INPP4B: variants seen among roughly 807,000 people sequenced by gnomAD.
INPP4B encodes inositol polyphosphate-4-phosphatase type II B.
INPP4B carries 55 observed loss-of-function variants against 122.5 expected under a neutral mutation model. The ratio of observed to expected loss-of-function variants is 0.45; its 90% CI spans 0.36 to 0.56. The LOEUF (loss-of-function observed/expected upper bound fraction) is 0.56. Ranked by LOEUF, INPP4B falls within the 20% of genes least tolerant of loss-of-function variation. The pLI is 0.00. For synonymous variants in INPP4B, 403 were observed against 388.7 expected, an observed-to-expected ratio of 1.04 and a Z score of -0.43; for missense variants, 1,000 against 1,097.7, an observed-to-expected ratio of 0.91 and a Z score of 1.26.
At chr4:142,756,689 G>T (rs1770568050) in intron 1 of INPP4B, among the ~76,000 whole-genome samples, 2 of 152,022 alleles carry the variant, frequency 1.3e-5, no homozygotes, top group African/African-American at 4.8e-5. Context: ...CATAAGAAAA[G>T]AGTATGATAA....
rs571764523 is a variant in INPP4B at position 142,796,245 on chromosome 4, C to A, written c.-254+49964G>T. Among the ~76,000 whole-genome samples the A allele has an allele frequency of 5.3e-5, 8 of 152,036 alleles. No homozygotes were observed. In the East Asian group the frequency reaches 1.5e-3, roughly 29 times the overall value. ...GAGAAGTAAACAGACTTGGAGGATT[C>A]TTGTTCGATTTGAAGGGCAGAGCAG... On this transcript the variant is annotated intron_variant, in intron 1 of 25. Coordinates refer to ENST00000262992, the MANE Select transcript of INPP4B (RefSeq NM_001101669.3).
At chr4:142,176,363 A>T (rs1007803772) in intron 15 of INPP4B, among the ~76,000 whole-genome samples, 1 of 151,722 alleles carries the variant, frequency 6.6e-6, no homozygotes, top group Non-Finnish European at 1.5e-5. Flanking sequence ...TTGGAAAAAA[A>T]CCACATGACT....
intron 2 of INPP4B, among the ~76,000 whole-genome samples, chr4:142,564,455 G>GAAAAAAAAAAAAA (rs1731176894): frequency 8.6e-6 from 1 of 116,596 alleles, no homozygotes; most frequent in African/African-American, 3.4e-5. Flanking sequence ...AAAAAAAAAA[G>GAAAAAAAAAAAAA]AAAGAAAGAA....
At chr4:142,115,662 C>A (rs573492341) in intron 21 of INPP4B, among the ~76,000 whole-genome samples, 21 of 152,146 alleles carry the variant, frequency 1.4e-4, no homozygotes, top group Admixed American at 1.3e-3. Flanking sequence ...CTCAAGGAAG[C>A]GCTAAACGTG....
At chr4:142,289,010 C>T (rs1256903906) in intron 9 of INPP4B, among the ~76,000 whole-genome samples, 5 of 152,118 alleles carry the variant, frequency 3.3e-5, no homozygotes, top group Non-Finnish European at 5.9e-5. Context: ...TGTCAAGTTA[C>T]TCTTTCTTAC....
chr4:142,797,149 C>G (rs1402101757), intron 1 of INPP4B, among the ~76,000 whole-genome samples: 5 of 151,814 alleles, frequency 3.3e-5, no homozygotes, highest in African/African-American at 4.8e-5. Context: ...ATTTGACATG[C>G]TTAATCTAAT....
chr4:142,295,809 A>G (rs1049974501), intron 9 of INPP4B, among the ~76,000 whole-genome samples: 3 of 152,050 alleles, frequency 2.0e-5, no homozygotes, highest in Non-Finnish European at 4.4e-5. Flanking sequence ...TTATTCAAAA[A>G]ACATGTATTA....
chr4:142,550,013 A>C (rs1727589433), intron 2 of INPP4B, among the ~76,000 whole-genome samples: 1 of 152,182 alleles, frequency 6.6e-6, no homozygotes, highest in African/African-American at 2.4e-5. Flanking sequence ...CTGTTCTAGC[A>C]GGTTGGTGAA....
chr4:142,275,700 T>C (rs191042613), intron 9 of INPP4B, among the ~76,000 whole-genome samples: 13 of 151,960 alleles, frequency 8.6e-5, no homozygotes, highest in Admixed American at 7.9e-4. Context: ...TCAGAAGCCA[T>C]ATAATGCTTT....
intron 7 of INPP4B, among the ~76,000 whole-genome samples, chr4:142,353,199 CAGGTAATGAAT>C (rs1427006948): frequency 6.6e-6 from 1 of 151,988 alleles, no homozygotes; most frequent in Non-Finnish European, 1.5e-5. Flanking sequence ...AAAACGTCTA[CAGGTAATGAAT>C]AGAGAGCGTG....
intron 14 of INPP4B, among the ~76,000 whole-genome samples, chr4:142,199,068 A>G (rs1839613915): frequency 6.6e-6 from 1 of 152,102 alleles, no homozygotes; most frequent in Admixed American, 6.6e-5. Flanking sequence ...TTCGTATCAC[A>G]TAAAATAATT....
At chr4:142,204,928 A>G (rs979382637) in intron 14 of INPP4B, among the ~76,000 whole-genome samples, 6 of 152,128 alleles carry the variant, frequency 3.9e-5, no homozygotes, top group African/African-American at 1.4e-4. Flanking sequence ...GTGCTTTGTT[A>G]TAGTAGCCCT....
chr4:142,218,667 TA>T (rs1009750518), intron 12 of INPP4B, among the ~76,000 whole-genome samples: 13 of 152,114 alleles, frequency 8.5e-5, no homozygotes, highest in Non-Finnish European at 1.8e-4. Context: ...AAAATAAAAA[TA>T]GCTGTAGAAC....
intron 2 of INPP4B, among the ~76,000 whole-genome samples, chr4:142,551,596 G>T (rs991392088): frequency 1.3e-5 from 2 of 152,126 alleles, no homozygotes; most frequent in African/African-American, 4.8e-5. Flanking sequence ...ATACACAAAG[G>T]TCTCGTGTGA....
intron 1 of INPP4B, among the ~76,000 whole-genome samples, chr4:142,762,374 T>C (rs1356063807): frequency 6.6e-6 from 1 of 152,038 alleles, no homozygotes; most frequent in Non-Finnish European, 1.5e-5. Flanking sequence ...AAGAAAAACT[T>C]TGGGAAGACA....
At chr4:142,084,611 C>A (rs907413867) in intron 24 of INPP4B, among the ~76,000 whole-genome samples, 1 of 152,022 alleles carries the variant, frequency 6.6e-6, no homozygotes, top group Admixed American at 6.6e-5. Context: ...AATATTGAAA[C>A]TGAGGCATTA....
intron 7 of INPP4B, chr4:142,317,358 G>A: frequency 2.9e-6 from 1 of 345,652 alleles, no homozygotes; most frequent in Non-Finnish European, 5.9e-6. Flanking sequence ...ATGGCTTCAA[G>A]GCAGATTACA....
chr4:142,632,907 T>G (rs1183465534), intron 2 of INPP4B, among the ~76,000 whole-genome samples: 1 of 88,816 alleles, frequency 1.1e-5, no homozygotes, highest in Admixed American at 1.4e-4. Flanking sequence ...CACAGAAGGA[T>G]GGTAGATTTG....
At chr4:142,740,462 A>T (rs963248086) in intron 1 of INPP4B, among the ~76,000 whole-genome samples, 1 of 152,072 alleles carries the variant, frequency 6.6e-6, no homozygotes, top group Non-Finnish European at 1.5e-5. Context: ...TTTGAATTTT[A>T]AAAAAGTAAG....
Sources: allele counts gnomAD v4.1 joint callset (sites outside exome capture counted in the v4.1 genomes callset), GRCh38; gene constraint gnomAD v4.1.1; transcripts MANE v1.5; gene names NCBI Gene and HGNC (gene_info 2026-07-23, HGNC 2026-07-21).